Variants in REPS2 observed in about 807,000 individuals in gnomAD.
REPS2 encodes the protein ralBP1-associated Eps domain-containing protein 2.
REPS2 carries 23 observed loss-of-function variants against 53.6 expected under a neutral mutation model. The ratio of observed to expected loss-of-function variants is 0.43; its 90% confidence interval spans 0.31 to 0.61. The LOEUF is 0.61. Ranked by LOEUF, REPS2 falls within the 20% of genes least tolerant of loss-of-function variation. REPS2 has a pLI of 0.11. For missense variants in REPS2, 446 were observed against 534.9 expected, an observed-to-expected ratio of 0.83 and a Z score of 1.64; for synonymous variants, 238 against 218.6, an observed-to-expected ratio of 1.09 and a Z score of -0.78.
intron 5 of REPS2, among the ~76,000 whole-genome samples, chrX:17,042,743 T>G (rs2061848688): frequency 9.0e-6 from 1 of 111,556 alleles, no homozygotes; most frequent in South Asian, 3.8e-4. Context: ...GTGAAGATGT[T>G]TAGGAACACT....
chrX:17,174,930 G>A, the REPS2 span, among the ~76,000 whole-genome samples: 7 of 113,158 alleles, frequency 6.2e-5, no homozygotes, highest in South Asian at 1.1e-3. Flanking sequence ...CTGGCTGCCC[G>A]CCACTGGAGC....
chrX:17,187,710 C>A, the REPS2 span, among the ~76,000 whole-genome samples: 1 of 112,101 alleles, frequency 8.9e-6, no homozygotes, highest in Admixed American at 9.4e-5. Flanking sequence ...AACCCATACC[C>A]AAGTCACTCT....
At chrX:16,967,370 G>A (rs1276928085) in intron 1 of REPS2, among the ~76,000 whole-genome samples, 1 of 109,469 alleles carries the variant, frequency 9.1e-6, no homozygotes, top group East Asian at 2.9e-4. Context: ...AATGGCAGAT[G>A]GTCCTCAATA....
At chrX:17,132,118 GT>G (rs1183377577) in intron 14 of REPS2, among the ~76,000 whole-genome samples, 1 of 111,906 alleles carries the variant, frequency 8.9e-6, no homozygotes, top group African/African-American at 3.3e-5. Flanking sequence ...CAGAGTGAGG[GT>G]TGACATTTCA....
intron 2 of REPS2, among the ~76,000 whole-genome samples, chrX:17,014,981 A>G (rs1484329677): frequency 2.6e-5 from 3 of 113,418 alleles, no homozygotes; most frequent in African/African-American, 9.6e-5. Flanking sequence ...AGGCTACCTC[A>G]TTATGAATCT....
At chrX:17,163,645 C>T in the REPS2 span, among the ~76,000 whole-genome samples, 3 of 112,125 alleles carry the variant, frequency 2.7e-5, no homozygotes, top group Non-Finnish European at 5.6e-5. Flanking sequence ...TCACCAGAAA[C>T]CACTGAAGCT....
intron 5 of REPS2, chrX:17,044,509 G>A (rs747022171): frequency 1.8e-5 from 2 of 112,375 alleles, no homozygotes; most frequent in Non-Finnish European, 3.7e-5. Context: ...GATAAGGGCC[G>A]CCCAGCATGG....
the REPS2 span, among the ~76,000 whole-genome samples, chrX:17,162,895 T>A: frequency 2.7e-5 from 3 of 111,762 alleles, no homozygotes; most frequent in Non-Finnish European, 5.7e-5. Context: ...GGAGGAAGAA[T>A]CTGATTTTCA....
At position 17,061,936 on chromosome X, in the gene REPS2, A is replaced by G. The variant is rs1485075040; in HGVS notation, c.1115-502A>G. On this transcript the variant is annotated intron_variant, in intron 8 of 17. Coordinates refer to ENST00000357277, the MANE Select transcript of REPS2 (RefSeq NM_004726.3). ...TTTATCATTCCTGCCAACCAAGGAG[A>G]TAAATATTTCGTAAAATCATGTTGG... Among the ~76,000 whole-genome samples, 14 of 112,545 alleles carry G rather than the reference A, an allele frequency of 1.2e-4. No homozygotes were observed. The South Asian group carries it at 1.5e-3, about 12-fold the overall frequency.
intron 17 of REPS2, 103 bp downstream of exon 17, chrX:17,139,064 G>T (rs2063410399): frequency 2.0e-6 from 1 of 488,718 alleles, no homozygotes; most frequent in Non-Finnish European, 3.4e-6. Flanking sequence ...TATTTATAGG[G>T]TGGGGTACAT....
downstream of REPS2, among the ~76,000 whole-genome samples, chrX:17,157,976 CCTGTGTATAAAGGCAGCCCTAA>C (rs2063627000): frequency 1.8e-5 from 2 of 111,545 alleles, no homozygotes; most frequent in African/African-American, 6.5e-5. Context: ...GACTGCATAC[CCTGTGTATAAAGGCAGCCCTAA>C]CTTATTGCCA....
At position 16,946,738 on chromosome X, in the gene REPS2, T is replaced by TGGCGGCGGCGGTGGTGGC. The variant is rs1299699873; in HGVS notation, c.-112_-95dup. ...CAGCTGCGGGGCGTGGGGGTGGTGG[T>TGGCGGCGGCGGTGGTGGC]GGCGGCGGCGGTGGTGGCGGCGGCG... On this transcript the variant is annotated 5_prime_UTR_variant, in exon 1 of 18. Coordinates refer to ENST00000357277, the MANE Select transcript of REPS2 (RefSeq NM_004726.3). The TGGCGGCGGCGGTGGTGGC allele has an allele frequency of 9.6e-5, 66 of 690,068 alleles. No individual in the cohort carries two copies. The highest frequency in any genetic ancestry group is 6.0e-4 in the African/African-American group (20 of 33,437). The allele number at this position is 690,068 out of a possible 1,213,427, so 56.9% of individuals were successfully genotyped here. A position where few individuals can be genotyped will look rare whatever the true frequency, so the allele number is the denominator to read the frequency against.
intron 1 of REPS2, among the ~76,000 whole-genome samples, chrX:16,959,904 G>A (rs1486438747): frequency 3.6e-5 from 4 of 111,828 alleles, no homozygotes; most frequent in Non-Finnish European, 7.5e-5. Flanking sequence ...TAGTATCTCT[G>A]TTGAACATAT....
intron 1 of REPS2, among the ~76,000 whole-genome samples, chrX:16,962,322 CACAGAT>C (rs2060675050): frequency 1.0e-5 from 1 of 99,382 alleles, no homozygotes; most frequent in Non-Finnish European, 2.0e-5. Context: ...CACACACACA[CACAGAT>C]GACAGAATAT....
chrX:17,034,578 C>T (rs1380161798), intron 5 of REPS2, among the ~76,000 whole-genome samples: 1 of 112,091 alleles, frequency 8.9e-6, no homozygotes, highest in Non-Finnish European at 1.9e-5. Flanking sequence ...TATATTTTTA[C>T]CTGAATTTAG....
At chrX:16,958,896 G>A (rs1232620628) in intron 1 of REPS2, among the ~76,000 whole-genome samples, 1 of 111,734 alleles carries the variant, frequency 8.9e-6, no homozygotes, top group Admixed American at 9.5e-5. Context: ...TGGATCCTAG[G>A]AAGGATGGGG....
chrX:17,107,871 C>A (rs1294095102), intron 14 of REPS2, among the ~76,000 whole-genome samples: 1 of 111,414 alleles, frequency 9.0e-6, no homozygotes, highest in African/African-American at 3.3e-5. Context: ...AACCAAAAAG[C>A]AATTAAAGTA....
chrX:16,963,899 A>T (rs1309813056), intron 1 of REPS2, among the ~76,000 whole-genome samples: 2 of 111,561 alleles, frequency 1.8e-5, no homozygotes, highest in African/African-American at 6.5e-5. Flanking sequence ...TCCTTGGGAA[A>T]GGTCAGATTT....
At chrX:17,159,170 C>T in the REPS2 span, among the ~76,000 whole-genome samples, 1 of 111,940 alleles carries the variant, frequency 8.9e-6, no homozygotes, top group Non-Finnish European at 1.9e-5. Context: ...TGTTTGCTCT[C>T]TGACTCTAGA....
Sources: allele counts gnomAD v4.1 joint callset (sites outside exome capture counted in the v4.1 genomes callset), GRCh38; gene constraint gnomAD v4.1.1; transcripts MANE v1.5; gene names NCBI Gene and HGNC (gene_info 2026-07-23, HGNC 2026-07-21).